The following GPI variants were observed in gnomAD, a reference collection of about 807,000 sequenced individuals.
GPI encodes the protein glucose-6-phosphate isomerase.
A neutral mutation model predicts 75.8 loss-of-function variants in GPI; 56 were observed. That is an observed-to-expected ratio of 0.74 (90% confidence interval 0.60 to 0.92). The LOEUF is 0.92. Ranked by LOEUF, GPI falls within the 40% of genes least tolerant of loss-of-function variation. GPI has a pLI of 0.00. For synonymous variants in GPI, 288 were observed against 285.4 expected (o/e 1.01, Z -0.09); for missense variants, 638 against 741.0 (o/e 0.86, Z 1.61).
At chr19:34,382,063 C>T (rs952739172) in intron 9 of GPI, among the ~76,000 whole-genome samples, 3 of 152,170 alleles carry the variant, frequency 2.0e-5, no homozygotes, top group Non-Finnish European at 4.4e-5. Flanking sequence ...ATGGGACCAC[C>T]TCTGCTGGAG....
At chr19:34,367,230 A>C in intron 3 of GPI, 1 of 360,936 alleles carries the variant, frequency 2.8e-6, no homozygotes, top group Middle Eastern at 7.2e-4. Context: ...GTAGGAGTCA[A>C]TAGGAAGCAG....
rs551915593 is a variant in GPI at position 34,366,640 on chromosome 19, C to T, written c.214-143C>T. 9 of 761,802 alleles carry T rather than the reference C, an allele frequency of 1.2e-5. No individual in the cohort carries two copies. In the Admixed American group the frequency reaches 1.5e-4, roughly 12 times the overall value. 47.2% of individuals were successfully genotyped at this position (761,802 alleles called of 1,614,324 possible). A position where few individuals can be genotyped will look rare whatever the true frequency, so the allele number is the denominator to read the frequency against. ...CCCCAGTGTCTGATGTCTGAGTAGA[C>T]CCTTCCCAGACAGCAGGGGAGGGAA... is the stretch of plus-strand genomic sequence containing the variant. On this transcript the variant is annotated intron_variant, in intron 2 of 17. Transcript: ENST00000356487.
In GPI at chr19:34,379,569, GC is replaced by G; in HGVS notation, c.750+12del. 2 of 1,611,624 alleles carry G rather than the reference GC, an allele frequency of 1.2e-6. No homozygotes were observed. Among genetic ancestry groups the G allele is most frequent in the Non-Finnish European group, 1.7e-6 (2 of 1,177,674 alleles). On this transcript the variant is annotated splice_region_variant and intron_variant, in intron 8 of 17. Transcript: ENST00000356487. Reference sequence around the variant, plus strand: ...TGCCCTGTCTACTAACACAGTAAGTGCCCCCGTGGTCCCCTGTACTGCCTTC... The same window carrying G: ...TGCCCTGTCTACTAACACAGTAAGTGCCCCGTGGTCCCCTGTACTGCCTTC...
chr19:34,387,521 G>A (rs1450279281), intron 9 of GPI, among the ~76,000 whole-genome samples: 1 of 151,994 alleles, frequency 6.6e-6, no homozygotes, highest in Admixed American at 6.6e-5. Context: ...TGAGTCTGTG[G>A]ATCCAGGGTC....
chr19:34,399,948 A>G lies in GPI; in HGVS notation c.1589A>G (p.Asp530Gly). The G allele has an allele frequency of 6.2e-7, 1 of 1,613,884 alleles. No individual in the cohort carries two copies. The highest frequency in any genetic ancestry group is 1.3e-5 in the African/African-American group (1 of 75,006). ...GCTAAGAAAATAGAGCCTGAGCTTG[A>G]TGGCAGTGCTCAAGTGACCTCTCAC... is the stretch of plus-strand genomic sequence containing the variant. The part of the protein sequence containing the change: ...QLAKKIEPEL[D>G]GSAQVTSHDA... Residue 530 changes from aspartate to glycine, a missense_variant, in exon 18 of 18, where the codon GAT becomes GGT. By Grantham distance (94) the Asp-to-Gly change is moderately conservative. Coordinates refer to ENST00000356487, the MANE Select transcript of GPI (RefSeq NM_000175.5).
chr19:34,396,404 A>C lies in GPI; in HGVS notation c.1166A>C (p.His389Pro). Residue 389 changes from histidine to proline, a missense_variant, in exon 13 of 18, where the codon CAT becomes CCT. Coordinates refer to ENST00000356487, the MANE Select transcript of GPI (RefSeq NM_000175.5). ...GGGGAGCCAGGGACCAATGGCCAGC[A>C]TGCTTTTTACCAGCTCATCCACCAA... ...VWGEPGTNGQ[H>P]AFYQLIHQGT... 1.2e-6 allele frequency: 2 copies of C among 1,614,196 alleles called. No homozygotes were observed. The highest frequency in any genetic ancestry group is 1.7e-6 in the Non-Finnish European group (2 of 1,180,020).
intron 4 of GPI, among the ~76,000 whole-genome samples, chr19:34,371,608 T>C (rs941067979): frequency 3.3e-5 from 5 of 152,034 alleles, no homozygotes; most frequent in Admixed American, 2.6e-4. Flanking sequence ...CCCAGCACCT[T>C]GGGAGGCCGA....
In GPI at chr19:34,396,366, C is replaced by A. The variant is rs2074944694; in HGVS notation, c.1128C>A (p.Gly376=). The change falls in exon 13 of 18, where the codon GGC becomes GGA. Residue 376 remains glycine (G), a synonymous_variant. Transcript: ENST00000356487. ...GAACCCGTGTGGACCACCAGACAGG[C>A]CCCATTGTGTGGGGGGAGCCAGGGA... is the stretch of plus-strand genomic sequence containing the variant. ...KSGTRVDHQT[G]PIVWGEPGTN... 6.2e-7 allele frequency: 1 copy of A among 1,614,084 alleles called. No homozygotes were observed. The highest frequency in any genetic ancestry group is 1.3e-5 in the African/African-American group (1 of 75,070).
intron 12 of GPI, among the ~76,000 whole-genome samples, chr19:34,394,776 C>T (rs1051977746): frequency 2.0e-5 from 3 of 151,802 alleles, no homozygotes; most frequent in East Asian, 1.9e-4. Flanking sequence ...TGCAGTGGCG[C>T]GATCTCGGCT....
intron 1 of GPI, 50 bp downstream of exon 1, chr19:34,365,438 G>A: frequency 6.6e-7 from 1 of 1,508,378 alleles, no homozygotes; most frequent in Non-Finnish European, 8.8e-7. Context: ...CCCGGAACCG[G>A]GCACGCGGGC....
chr19:34,368,907 T>G, intron 4 of GPI: 1 of 648,376 alleles, frequency 1.5e-6, no homozygotes, highest in Non-Finnish European at 2.8e-6. Context: ...TCTGAAGGAA[T>G]CTGCTGCTGG....
intron 9 of GPI, among the ~76,000 whole-genome samples, chr19:34,384,698 G>A: frequency 6.6e-6 from 1 of 152,166 alleles, no homozygotes. Context: ...GAGGTCTGAG[G>A]AGCTGGGATC....
chr19:34,368,175 C>T (rs2145324168), intron 3 of GPI, among the ~76,000 whole-genome samples: 1 of 152,376 alleles, frequency 6.6e-6, no homozygotes, highest in African/African-American at 2.4e-5. Flanking sequence ...CCTGCCATGG[C>T]CTCCCAGAGT....
chr19:34,395,160 T>C (rs927084642), intron 12 of GPI, among the ~76,000 whole-genome samples: 10 of 152,160 alleles, frequency 6.6e-5, no homozygotes, highest in Non-Finnish European at 1.0e-4. Flanking sequence ...CCAGCTGCCT[T>C]GGTGAGGGTT....
Position 34,366,773 on chromosome 19 carries a change from C to T in GPI, c.214-10C>T, listed in dbSNP as rs2074372358. The T allele has an allele frequency of 1.2e-6, 2 of 1,609,764 alleles. No individual in the cohort carries two copies. The highest frequency in any genetic ancestry group is 1.7e-6 in the Non-Finnish European group (2 of 1,177,192). Reference sequence around the variant, plus strand: ...GGGTGGGACCAGGCCTCAGTATCGTCTCTTCCTAGGCCAAGTCCAGGGGCG... The same window carrying T: ...GGGTGGGACCAGGCCTCAGTATCGTTTCTTCCTAGGCCAAGTCCAGGGGCG... On this transcript the variant is annotated splice_polypyrimidine_tract_variant and intron_variant, in intron 2 of 17. Coordinates refer to ENST00000356487, the MANE Select transcript of GPI (RefSeq NM_000175.5).
chr19:34,399,379 G>A, intron 15 of GPI, 44 bp downstream of exon 15: 1 of 1,613,404 alleles, frequency 6.2e-7, no homozygotes. Context: ...GCTGGAGTTG[G>A]AGGTGTGAAG....
At chr19:34,365,492 C>T in intron 1 of GPI, 104 bp downstream of exon 1, 5 of 1,491,762 alleles carry the variant, frequency 3.4e-6, no homozygotes, top group Non-Finnish European at 4.5e-6. Flanking sequence ...GGACCCCAGT[C>T]CCCGACCTCC....
Position 34,393,027 on chromosome 19 carries a change from G to A in GPI, c.805-221G>A, listed in dbSNP as rs2074888064. 1 of 607,972 alleles carries A rather than the reference G, an allele frequency of 1.6e-6. No homozygotes were observed. 37.7% of individuals were successfully genotyped at this position (607,972 alleles called of 1,614,324 possible). On this transcript the variant is annotated intron_variant, in intron 9 of 17. Transcript: ENST00000356487. This position sits in a 1 kb window ranked among gnomAD's most constrained non-coding sequence, Gnocchi z 4.4. ...GACATCTCAGGGAAGACCACGGTAA[G>A]CTCTTCAGTTTGTCTTGTGGCTGTG...
chr19:34,373,402 A>G (rs1367135753), intron 4 of GPI, among the ~76,000 whole-genome samples: 1 of 151,142 alleles, frequency 6.6e-6, no homozygotes, highest in East Asian at 2.0e-4. Context: ...AAAAAAAAAA[A>G]AATTTATAAC....
Sources: allele counts gnomAD v4.1 joint callset (sites outside exome capture counted in the v4.1 genomes callset), GRCh38; gene constraint gnomAD v4.1.1; non-coding constraint Gnocchi (gnomAD v3.1); transcripts MANE v1.5; gene names NCBI Gene and HGNC (gene_info 2026-07-23, HGNC 2026-07-21).